Variants in TNNI3K observed in about 807,000 individuals in gnomAD.
The protein encoded by TNNI3K is serine/threonine-protein kinase TNNI3K.
TNNI3K carries 140 observed loss-of-function variants against 114.5 expected under a neutral mutation model. The observed-to-expected ratio is 1.22, with a 90% CI of 1.07 to 1.41. The LOEUF (loss-of-function observed/expected upper bound fraction) is 1.41. Ranked by LOEUF, TNNI3K falls within the 40% of genes most tolerant of loss-of-function variation. The probability of loss-of-function intolerance (pLI) is 0.00; values close to 1 mark genes in which losing one functional copy is unlikely to be tolerated. For missense variants in TNNI3K, 1,125 were observed against 1,007.6 expected, an observed-to-expected ratio of 1.12 and a Z score of -1.58; for synonymous variants, 347 against 347.5, an observed-to-expected ratio of 1.00 and a Z score of 0.02.
chr1:74,280,177 T>C (rs1461666130), intron 5 of TNNI3K, among the ~76,000 whole-genome samples: 1 of 152,016 alleles, frequency 6.6e-6, no homozygotes, highest in African/African-American at 2.4e-5. Flanking sequence ...GGTCAGGAGA[T>C]CAAGACCATC....
At chr1:74,483,991 AT>A (rs1318257576) in intron 21 of TNNI3K, among the ~76,000 whole-genome samples, 18 of 152,288 alleles carry the variant, frequency 1.2e-4, no homozygotes, top group Admixed American at 3.9e-4. Context: ...TTAGAAAAAA[AT>A]ATTTCTTTTT....
intron 4 of TNNI3K, among the ~76,000 whole-genome samples, chr1:74,270,513 G>A (rs1656277879): frequency 6.6e-6 from 1 of 151,748 alleles, no homozygotes; most frequent in Admixed American, 6.6e-5. Flanking sequence ...GGGAAGATTT[G>A]GAGACTATAA....
intron 20 of TNNI3K, among the ~76,000 whole-genome samples, chr1:74,456,324 G>C (rs960161947): frequency 1.3e-5 from 2 of 152,008 alleles, no homozygotes; most frequent in Non-Finnish European, 2.9e-5. Context: ...GATTTATGAG[G>C]GAAATTATCA....
At chr1:74,536,664 C>A (rs1044819871) in intron 23 of TNNI3K, among the ~76,000 whole-genome samples, 1 of 152,012 alleles carries the variant, frequency 6.6e-6, no homozygotes, top group African/African-American at 2.4e-5. Flanking sequence ...CATTTTACAT[C>A]CACAAAATTA....
chr1:74,518,845 AT>A (rs1208261829), intron 23 of TNNI3K, among the ~76,000 whole-genome samples: 2 of 101,758 alleles, frequency 2.0e-5, no homozygotes, highest in Non-Finnish European at 4.3e-5. Context: ...ACCTTACTTT[AT>A]TTTTTATTTT....
intron 23 of TNNI3K, among the ~76,000 whole-genome samples, chr1:74,521,565 T>A (rs1281061049): frequency 6.6e-6 from 1 of 152,096 alleles, no homozygotes; most frequent in Non-Finnish European, 1.5e-5. Flanking sequence ...CAAAATTAAA[T>A]GCTACTATTT....
At chr1:74,332,976 A>G (rs72673272) in intron 6 of TNNI3K, among the ~76,000 whole-genome samples, 15,943 of 91,008 alleles carry the variant, frequency 0.18, 1,880 homozygotes, top group African/African-American at 0.38. Flanking sequence ...AAAAAAAAAA[A>G]AGAGAGAGAC....
At chr1:74,431,314 G>T (rs1665886662) in intron 17 of TNNI3K, among the ~76,000 whole-genome samples, 2 of 151,894 alleles carry the variant, frequency 1.3e-5, no homozygotes, top group South Asian at 4.1e-4. Context: ...TATTTCTTAA[G>T]ACTATTTTTT....
intron 11 of TNNI3K, among the ~76,000 whole-genome samples, chr1:74,364,094 G>A (rs2100506728): frequency 6.7e-6 from 1 of 150,208 alleles, no homozygotes; most frequent in South Asian, 2.1e-4. Context: ...TAAACTCCTG[G>A]GTTCAAGTGA....
intron 17 of TNNI3K, among the ~76,000 whole-genome samples, chr1:74,417,054 T>G (rs1196572518): frequency 1.3e-5 from 2 of 152,066 alleles, no homozygotes; most frequent in African/African-American, 4.8e-5. Flanking sequence ...TAATATGTTA[T>G]ATAAGGTAAT....
chr1:74,498,467 T>C (rs1160135422), intron 23 of TNNI3K, among the ~76,000 whole-genome samples: 8 of 152,204 alleles, frequency 5.3e-5, no homozygotes, highest in Non-Finnish European at 4.4e-5. Context: ...ACAGAAATTC[T>C]CTTCTTTTTT....
intron 11 of TNNI3K, among the ~76,000 whole-genome samples, chr1:74,354,907 T>A (rs901807999): frequency 6.6e-6 from 1 of 152,158 alleles, no homozygotes; most frequent in East Asian, 1.9e-4. Context: ...AGATGATTGA[T>A]AACAAATTCA....
At chr1:74,527,217 G>A (rs1484485628) in intron 23 of TNNI3K, among the ~76,000 whole-genome samples, 2 of 152,152 alleles carry the variant, frequency 1.3e-5, no homozygotes, top group Admixed American at 6.6e-5. Context: ...AGACTCATAA[G>A]GCTCATCCTT....
rs762441212 is a variant in TNNI3K, at chr1:74,369,017, T to C, written c.1322-5T>C. 1.7e-5 allele frequency: 27 copies of C among 1,593,914 alleles called. No homozygotes were observed. The highest frequency in any genetic ancestry group is 4.1e-5 in the African/African-American group (3 of 73,764). On this transcript the variant is annotated splice_polypyrimidine_tract_variant and splice_region_variant and intron_variant, in intron 13 of 24. Transcript: ENST00000326637. ...AAAAAATAAAATGACAATTTCTCTT[T>C]GCAGAGAAGGCAGATATTCTCCTCC...
intron 20 of TNNI3K, among the ~76,000 whole-genome samples, chr1:74,446,061 G>A (rs1248317667): frequency 6.6e-6 from 1 of 151,992 alleles, no homozygotes; most frequent in African/African-American, 2.4e-5. Flanking sequence ...ACCCAGTAAT[G>A]GGATGGCTGG....
intron 5 of TNNI3K, among the ~76,000 whole-genome samples, chr1:74,287,974 G>A (rs1174899928): frequency 6.6e-6 from 1 of 151,958 alleles, no homozygotes; most frequent in African/African-American, 2.4e-5. Context: ...TCGCCAAGAA[G>A]TATATGAAAA....
intron 23 of TNNI3K, among the ~76,000 whole-genome samples, chr1:74,526,799 T>C (rs1341891910): frequency 6.6e-6 from 1 of 152,154 alleles, no homozygotes; most frequent in Non-Finnish European, 1.5e-5. Flanking sequence ...GCAACACGTA[T>C]AGGACTTATC....
chr1:74,540,605 T>A (rs1187972303), intron 24 of TNNI3K, among the ~76,000 whole-genome samples: 1 of 109,912 alleles, frequency 9.1e-6, no homozygotes, highest in African/African-American at 4.5e-5. Context: ...AACTCTTTTT[T>A]TAAAAAAAAA....
chr1:74,397,661 G>T (rs1277164931), intron 17 of TNNI3K, among the ~76,000 whole-genome samples: 2 of 152,198 alleles, frequency 1.3e-5, no homozygotes, highest in African/African-American at 4.8e-5. Context: ...ATATCAGAGT[G>T]TCAAACTCAC....
Sources: gnomAD v4.1 joint callset for allele counts (sites outside exome capture counted in the v4.1 genomes callset) on GRCh38, gnomAD v4.1.1 for gene constraint, MANE v1.5 for transcripts, NCBI Gene and HGNC (gene_info 2026-07-23, HGNC 2026-07-21) for gene names.